The following E2F3 variants were observed in gnomAD, a reference collection of about 807,000 sequenced individuals.
The protein encoded by E2F3 is transcription factor E2F3.
A neutral mutation model predicts 44.4 loss-of-function variants in E2F3; 11 were observed. That is an observed-to-expected ratio of 0.25 (90% CI 0.16 to 0.41). The LOEUF is 0.41. E2F3 is among the 10% of genes least tolerant of loss of function. The pLI is 1.00. For missense variants in E2F3, 487 were observed against 583.6 expected, an observed-to-expected ratio of 0.83 and a Z score of 1.70; for synonymous variants, 249 against 253.0, an observed-to-expected ratio of 0.98 and a Z score of 0.15.
At chr6:20,444,334 A>C (rs1760869172) in intron 1 of E2F3, among the ~76,000 whole-genome samples, 1 of 152,208 alleles carries the variant, frequency 6.6e-6, no homozygotes, top group South Asian at 2.1e-4. Flanking sequence ...TGAGATTTTT[A>C]ATATTAGCTA....
chr6:20,455,602 T>G (rs1182791631), intron 1 of E2F3, among the ~76,000 whole-genome samples: 1 of 152,262 alleles, frequency 6.6e-6, no homozygotes, highest in East Asian at 1.9e-4. Flanking sequence ...CTGTAGCGAG[T>G]CATAGTTGGC....
Position 20,490,071 on chromosome 6 carries a change from A to G in E2F3, c.1136-97A>G. The G allele has an allele frequency of 7.6e-7, 1 of 1,311,584 alleles. No individual in the cohort carries two copies. The highest frequency in any genetic ancestry group is 1.0e-6 in the Non-Finnish European group (1 of 960,632). 81.2% of individuals were successfully genotyped at this position (1,311,584 alleles called of 1,614,324 possible). A position where few individuals can be genotyped will look rare whatever the true frequency, so the allele number is the denominator to read the frequency against. On this transcript the variant is annotated intron_variant, in intron 6 of 6. Transcript: ENST00000346618. The surrounding 1 kb of genome is among the most constrained non-coding windows in gnomAD (Gnocchi z 4.3). ...CTCATTGTCATTATTTGCGGAAGGT[A>G]CATGCTTTTTTCTAACAGCAACATA...
chr6:20,486,566 C>T, intron 4 of E2F3, 123 bp from the exon 5 acceptor site: 1 of 576,482 alleles, frequency 1.7e-6, no homozygotes, highest in Non-Finnish European at 3.0e-6. Flanking sequence ...GCCACCGCGC[C>T]CGGCCACATA....
intron 1 of E2F3, among the ~76,000 whole-genome samples, chr6:20,454,694 C>T (rs1307352681): frequency 6.6e-6 from 1 of 152,182 alleles, no homozygotes; most frequent in Non-Finnish European, 1.5e-5. Context: ...ACAAAAGCAT[C>T]ATTGTTCCTT....
At chr6:20,467,933 C>T (rs1430778441) in intron 1 of E2F3, among the ~76,000 whole-genome samples, 1 of 150,730 alleles carries the variant, frequency 6.6e-6, no homozygotes, top group Non-Finnish European at 1.5e-5. Context: ...ACCCAGGAAT[C>T]AAAGGTTTCT....
chr6:20,450,894 C>T (rs771650365), intron 1 of E2F3, among the ~76,000 whole-genome samples: 9 of 152,134 alleles, frequency 5.9e-5, no homozygotes, highest in Admixed American at 3.3e-4. Context: ...GTTCTTTACC[C>T]GTTGCTTAAT....
intron 1 of E2F3, among the ~76,000 whole-genome samples, chr6:20,466,037 G>C (rs1267648866): frequency 6.6e-6 from 1 of 151,832 alleles, no homozygotes; most frequent in Non-Finnish European, 1.5e-5. Flanking sequence ...GTTTTCCATA[G>C]GGGTTGTGCT....
At chr6:20,442,982 C>A (rs1193281312) in intron 1 of E2F3, among the ~76,000 whole-genome samples, 1 of 145,276 alleles carries the variant, frequency 6.9e-6, no homozygotes, top group East Asian at 2.0e-4. Flanking sequence ...AAAAAAAAAT[C>A]TCAAATCTAT....
chr6:20,438,986 G>T (rs185902483), intron 1 of E2F3, among the ~76,000 whole-genome samples: 118 of 152,254 alleles, frequency 7.8e-4, no homozygotes, highest in African/African-American at 2.4e-3. Context: ...CAAAGGAGTT[G>T]CCCAGATTAG....
chr6:20,432,400 T>G (rs1030818356), intron 1 of E2F3, among the ~76,000 whole-genome samples: 1 of 152,252 alleles, frequency 6.6e-6, no homozygotes, highest in Non-Finnish European at 1.5e-5. Context: ...AAGGCAAGGC[T>G]GCTGCTTACC....
chr6:20,478,182 G>A (rs972109391), intron 1 of E2F3, among the ~76,000 whole-genome samples: 2 of 152,164 alleles, frequency 1.3e-5, no homozygotes, highest in Non-Finnish European at 2.9e-5. Flanking sequence ...CTGGGCGGCA[G>A]AGCAAGACCC....
At chr6:20,413,753 G>C (rs866477949) in intron 1 of E2F3, among the ~76,000 whole-genome samples, 3 of 152,180 alleles carry the variant, frequency 2.0e-5, no homozygotes, top group Admixed American at 6.5e-5. Context: ...TGGACAGAGC[G>C]AGAAATGTGA....
At chr6:20,487,859 A>G (rs903136010) in intron 5 of E2F3, among the ~76,000 whole-genome samples, 2 of 152,152 alleles carry the variant, frequency 1.3e-5, no homozygotes, top group Non-Finnish European at 2.9e-5. Context: ...AATAATAAAC[A>G]ATGGGAATGG....
chr6:20,460,360 C>T (rs1347125690), intron 1 of E2F3, among the ~76,000 whole-genome samples: 1 of 152,160 alleles, frequency 6.6e-6, no homozygotes, highest in African/African-American at 2.4e-5. Context: ...TCCTTCCAGG[C>T]CTTTTTCTAT....
intron 1 of E2F3, among the ~76,000 whole-genome samples, chr6:20,412,312 A>T (rs929631794): frequency 2.0e-5 from 3 of 152,046 alleles, no homozygotes; most frequent in Non-Finnish European, 4.4e-5. Flanking sequence ...AAAAATACTG[A>T]TACCTAGGCC....
At chr6:20,437,247 G>A (rs2127595170) in intron 1 of E2F3, among the ~76,000 whole-genome samples, 1 of 152,314 alleles carries the variant, frequency 6.6e-6, no homozygotes, top group East Asian at 1.9e-4. Context: ...GGTGATGATT[G>A]GTAATTTGAG....
At position 20,402,999 on chromosome 6, in the gene E2F3, G is replaced by T. The variant is rs940804546; in HGVS notation, c.393+374G>T. 6.6e-6 allele frequency among the ~76,000 whole-genome samples: 1 copy of T among 152,116 alleles called. No individual in the cohort carries two copies. The highest frequency in any genetic ancestry group is 2.4e-5 in the African/African-American group (1 of 41,396). ...AGGGGTCACGCCCCGGATGGAGAAG[G>T]GGGTGGGGGAGGGAGTAGTGAACTG... On this transcript the variant is annotated intron_variant, in intron 1 of 6. Coordinates refer to ENST00000346618, the MANE Select transcript of E2F3 (RefSeq NM_001949.5). This position sits in a 1 kb window ranked among gnomAD's most constrained non-coding sequence, Gnocchi z 5.6.
At chr6:20,488,391 G>A in intron 6 of E2F3, 143 bp downstream of exon 6, 1 of 1,042,174 alleles carries the variant, frequency 9.6e-7, no homozygotes, top group Non-Finnish European at 1.3e-6. Flanking sequence ...ATTCTGACTG[G>A]TTTGCAGAAG....
chr6:20,469,000 G>A (rs1667824217), intron 1 of E2F3, among the ~76,000 whole-genome samples: 2 of 152,166 alleles, frequency 1.3e-5, no homozygotes, highest in South Asian at 4.1e-4. Context: ...CAGGAGGCCA[G>A]AGAGCTTCAG....
Sources: allele counts gnomAD v4.1 joint callset (sites outside exome capture counted in the v4.1 genomes callset), GRCh38; gene constraint gnomAD v4.1.1; non-coding constraint Gnocchi (gnomAD v3.1); transcripts MANE v1.5; gene names NCBI Gene and HGNC (gene_info 2026-07-23, HGNC 2026-07-21).